The following CENPQ variants were observed in gnomAD, a reference collection of about 807,000 sequenced individuals.
CENPQ encodes centromere protein Q.
In CENPQ, 27 loss-of-function variants were observed where a neutral mutation model predicts 36.6. That is an observed-to-expected ratio of 0.74 (90% confidence interval 0.54 to 1.02). The LOEUF (loss-of-function observed/expected upper bound fraction) is 1.02. CENPQ is among the 50% of genes least tolerant of loss of function. The pLI, the probability that CENPQ is intolerant of heterozygous loss-of-function variation, is 0.00. For synonymous variants in CENPQ, 101 were observed against 101.7 expected, an observed-to-expected ratio of 0.99 and a Z score of 0.04; for missense variants, 306 against 301.8, an observed-to-expected ratio of 1.01 and a Z score of -0.10.
chr6:49,472,750 C>T, intron 4 of CENPQ, 40 bp from the exon 5 acceptor site: 2 of 1,378,450 alleles, frequency 1.5e-6, no homozygotes, highest in Non-Finnish European at 1.9e-6. Flanking sequence ...ATGATTTGTG[C>T]ATCAGACTAC....
intron 3 of CENPQ, among the ~76,000 whole-genome samples, 181 bp from the exon 4 acceptor site, chr6:49,471,882 C>T (rs1476436642): frequency 6.6e-6 from 1 of 152,156 alleles, no homozygotes; most frequent in Non-Finnish European, 1.5e-5. Flanking sequence ...AAAGCATATT[C>T]ATATTCAACA....
chr6:49,464,918 C>T (rs1283095634), intron 1 of CENPQ, among the ~76,000 whole-genome samples: 1 of 152,204 alleles, frequency 6.6e-6, no homozygotes, highest in African/African-American at 2.4e-5. Flanking sequence ...TTGACCTCCT[C>T]CCGTGAATCA....
intron 1 of CENPQ, among the ~76,000 whole-genome samples, chr6:49,465,091 TG>T (rs1428078440): frequency 2.0e-5 from 3 of 152,248 alleles, no homozygotes; most frequent in Non-Finnish European, 2.9e-5. Context: ...CTTTGATTCA[TG>T]GGCTGCAGAA....
chr6:49,483,244 G>T (rs983226727), intron 6 of CENPQ, among the ~76,000 whole-genome samples: 1 of 152,166 alleles, frequency 6.6e-6, no homozygotes, highest in Non-Finnish European at 1.5e-5. Context: ...GCTGATTGGT[G>T]TGTTTACAAA....
chr6:49,470,301 C>T (rs1178866675), intron 2 of CENPQ, 23 bp downstream of exon 2: 1 of 1,463,948 alleles, frequency 6.8e-7, no homozygotes, highest in Non-Finnish European at 9.5e-7. Context: ...TCAAGTTTCT[C>T]ATTTAGAAAT....
chr6:49,482,416 G>A (rs1370900646), intron 6 of CENPQ, among the ~76,000 whole-genome samples: 1 of 152,148 alleles, frequency 6.6e-6, no homozygotes, highest in South Asian at 2.1e-4. Context: ...CATCCCAACT[G>A]CTGTTGGGAA....
chr6:49,465,455 T>C (rs1767979375), intron 1 of CENPQ, among the ~76,000 whole-genome samples: 1 of 152,228 alleles, frequency 6.6e-6, no homozygotes, highest in African/African-American at 2.4e-5. Flanking sequence ...AGCCAGGCAA[T>C]GACTTCTTTC....
At chr6:49,488,142 A>G (rs1403425018) in intron 6 of CENPQ, among the ~76,000 whole-genome samples, 1 of 152,196 alleles carries the variant, frequency 6.6e-6, no homozygotes, top group Non-Finnish European at 1.5e-5. Flanking sequence ...GGGAAATTAG[A>G]TATCCTTATA....
At chr6:49,487,289 A>G (rs964627935) in intron 6 of CENPQ, among the ~76,000 whole-genome samples, 6 of 151,280 alleles carry the variant, frequency 4.0e-5, no homozygotes, top group African/African-American at 1.2e-4. Flanking sequence ...GGGCCAGACA[A>G]CATTTTAGCC....
At chr6:49,465,508 T>C (rs182575819) in intron 1 of CENPQ, among the ~76,000 whole-genome samples, 5 of 152,360 alleles carry the variant, frequency 3.3e-5, no homozygotes, top group Non-Finnish European at 7.3e-5. Context: ...TAGAAGGCTG[T>C]TTTGTCTTCA....
In CENPQ at chr6:49,480,206, A is replaced by G. The variant is rs1415495037; in HGVS notation, c.348-745A>G. On this transcript the variant is annotated intron_variant, in intron 5 of 8. Transcript: ENST00000335783. Reference sequence around the variant, plus strand: ...ATCTTAAGTAGTAGAACTTTTTAGAACCCAAAGATACTGCTGTTATAAAGG... The same window carrying G: ...ATCTTAAGTAGTAGAACTTTTTAGAGCCCAAAGATACTGCTGTTATAAAGG... 2.6e-5 allele frequency among the ~76,000 whole-genome samples: 4 copies of G among 152,160 alleles called. No homozygotes were observed. The East Asian group carries it at 7.7e-4, about 29-fold the overall frequency.
At chr6:49,477,884 A>G (rs1411656548) in intron 5 of CENPQ, among the ~76,000 whole-genome samples, 2 of 152,254 alleles carry the variant, frequency 1.3e-5, no homozygotes, top group African/African-American at 2.4e-5. Flanking sequence ...ATGAAAATGT[A>G]GCTGTTTAGG....
rs754305501 is a variant in CENPQ at position 49,470,960 on chromosome 6, G to A, written c.103-14G>A. The stretch of plus-strand genomic sequence containing the variant: ...TAATTCTGTTTATGTTTATGCATGT[G>A]TTTTTCCCTCTAGGTTAGAAACACA... On this transcript the variant is annotated splice_polypyrimidine_tract_variant and intron_variant, in intron 2 of 8. Coordinates refer to ENST00000335783, the MANE Select transcript of CENPQ (RefSeq NM_018132.4). 1.4e-6 allele frequency: 2 copies of A among 1,454,710 alleles called. No individual in the cohort carries two copies. Among genetic ancestry groups the A allele is most frequent in the Admixed American group, 2.1e-5 (1 of 48,466 alleles). The allele number at this position is 1,454,710 out of a possible 1,614,324, so 90.1% of individuals were successfully genotyped here.
intron 8 of CENPQ, among the ~76,000 whole-genome samples, chr6:49,491,517 G>A (rs1581858486): frequency 6.6e-6 from 1 of 152,136 alleles, no homozygotes; most frequent in East Asian, 1.9e-4. Flanking sequence ...AAATAGTACT[G>A]TCTTATTTGT....
At chr6:49,475,959 T>C (rs949697224) in intron 5 of CENPQ, among the ~76,000 whole-genome samples, 1 of 152,130 alleles carries the variant, frequency 6.6e-6, no homozygotes, top group African/African-American at 2.4e-5. Context: ...TCCATGCTCA[T>C]GGATGGGAAG....
At chr6:49,464,330 C>G (rs1350005881) in intron 1 of CENPQ, among the ~76,000 whole-genome samples, 1 of 152,172 alleles carries the variant, frequency 6.6e-6, no homozygotes. Flanking sequence ...TACTAATCAT[C>G]TCAGCCTTCA....
chr6:49,484,509 C>T (rs180848697), intron 6 of CENPQ, among the ~76,000 whole-genome samples: 5 of 151,988 alleles, frequency 3.3e-5, no homozygotes, highest in Non-Finnish European at 5.9e-5. Context: ...CATATGGGAC[C>T]GTATCTCTTA....
chr6:49,484,398 TTATC>T (rs1344789041), intron 6 of CENPQ, among the ~76,000 whole-genome samples: 1 of 152,228 alleles, frequency 6.6e-6, no homozygotes, highest in Non-Finnish European at 1.5e-5. Flanking sequence ...GGAGATAACC[TTATC>T]TATCATGGTT....
intron 6 of CENPQ, among the ~76,000 whole-genome samples, chr6:49,482,769 C>T (rs1768472974): frequency 6.6e-6 from 1 of 152,146 alleles, no homozygotes; most frequent in Non-Finnish European, 1.5e-5. Flanking sequence ...CTTGGTCTCA[C>T]TGACTTCAAG....
Sources: gnomAD v4.1 joint callset for allele counts (sites outside exome capture counted in the v4.1 genomes callset) on GRCh38, gnomAD v4.1.1 for gene constraint, MANE v1.5 for transcripts, NCBI Gene and HGNC (gene_info 2026-07-23, HGNC 2026-07-21) for gene names.